Variants in ADAM19 observed in about 807,000 individuals in gnomAD.
ADAM19 encodes the protein ADAM metallopeptidase domain 19.
In ADAM19, 65 loss-of-function variants were observed where a neutral mutation model predicts 114.7. The observed-to-expected ratio is 0.57, with a 90% CI of 0.46 to 0.70. The LOEUF is 0.70. Ranked by LOEUF, ADAM19 falls within the 30% of genes least tolerant of loss-of-function variation. ADAM19 has a pLI of 0.00. For synonymous variants in ADAM19, 466 were observed against 460.5 expected (o/e 1.01, Z -0.15); for missense variants, 1,063 against 1,204.7 (o/e 0.88, Z 1.74).
intron 3 of ADAM19, among the ~76,000 whole-genome samples, chr5:157,551,764 G>C (rs1218033508): frequency 6.6e-6 from 1 of 151,546 alleles, no homozygotes; most frequent in African/African-American, 2.4e-5. Flanking sequence ...TTGGGCAAAA[G>C]CTTTGAATAG....
intron 4 of ADAM19, among the ~76,000 whole-genome samples, chr5:157,535,164 T>C (rs1008842046): frequency 1.3e-5 from 2 of 152,182 alleles, no homozygotes; most frequent in Non-Finnish European, 2.9e-5. Flanking sequence ...AACTCAACAC[T>C]AGTGTGGTCA....
At chr5:157,490,269 C>T (rs1364008009) in intron 19 of ADAM19, 41 bp downstream of exon 19, 16 of 1,609,808 alleles carry the variant, frequency 9.9e-6, no homozygotes, top group African/African-American at 1.3e-5. Flanking sequence ...CCTTTGTGAC[C>T]CATAAATTGA....
chr5:157,520,078 A>G (rs956094697), intron 5 of ADAM19, 47 bp from the exon 6 acceptor site: 1 of 1,562,824 alleles, frequency 6.4e-7, no homozygotes, highest in African/African-American at 1.4e-5. Context: ...TATGGTTCTG[A>G]AAAAGTCCCT....
intron 20 of ADAM19, 24 bp downstream of exon 20, chr5:157,489,078 A>G (rs771895931): frequency 2.5e-6 from 4 of 1,603,848 alleles, no homozygotes; most frequent in Non-Finnish European, 3.4e-6. Flanking sequence ...AAAGTAGCAA[A>G]GTTCAGTGGT....
At chr5:157,512,168 G>A (rs1755941845) in intron 8 of ADAM19, among the ~76,000 whole-genome samples, 1 of 152,190 alleles carries the variant, frequency 6.6e-6, no homozygotes, top group South Asian at 2.1e-4. Flanking sequence ...TGTGTCCCTA[G>A]AGTCTGTCCT....
Position 157,497,080 on chromosome 5 carries a change from G to A in ADAM19, c.1408C>T (p.Pro470Ser), listed in dbSNP as rs1450159378. The A allele has an allele frequency of 1.3e-6, 2 of 1,523,176 alleles. No individual in the cohort carries two copies. Among genetic ancestry groups the A allele is most frequent in the South Asian group, 2.6e-5 (2 of 77,580 alleles). The allele number at this position is 1,523,176 out of a possible 1,614,324, so 94.4% of individuals were successfully genotyped here. ...GCCTGCTCGCGGCACAGGGTCCCAG[G>A]AGCCAACAGCTGAGCCAAGGAATGA... ...SCCHQCKLLA[P>S]GTLCREQARQ... Residue 470 changes from proline to serine, a missense_variant, in exon 14 of 23, where the codon CCT (proline) becomes TCT (serine). By Grantham distance (74) the Pro-to-Ser change is moderately conservative (BLOSUM62 -1). Coordinates refer to ENST00000257527, the MANE Select transcript of ADAM19 (RefSeq NM_033274.5).
chr5:157,509,168 G>T, intron 9 of ADAM19, 133 bp downstream of exon 9: 1 of 878,694 alleles, frequency 1.1e-6, no homozygotes. Flanking sequence ...GGAAATGCCT[G>T]ATTCTCTGGA....
At chr5:157,499,773 C>CACTTT in intron 12 of ADAM19, 111 bp from the exon 13 acceptor site, 1 of 419,702 alleles carries the variant, frequency 2.4e-6, no homozygotes, top group Middle Eastern at 6.9e-4. Flanking sequence ...GCAACTATCT[C>CACTTT]TTTTTTTTTT....
intron 2 of ADAM19, among the ~76,000 whole-genome samples, chr5:157,565,695 C>T (rs1223049491): frequency 1.4e-5 from 2 of 145,424 alleles, no homozygotes; most frequent in Non-Finnish European, 3.0e-5. Flanking sequence ...GGTGACAGAG[C>T]GAGACACTCT....
chr5:157,481,781 G>A lies in ADAM19; in HGVS notation c.2703+10C>T, dbSNP rs766815187. 22 of 1,565,890 alleles carry A rather than the reference G, an allele frequency of 1.4e-5. No homozygotes were observed. In the Middle Eastern group the frequency reaches 8.3e-4, roughly 59 times the overall value. ...CCAGCTTTCACCTTGAGGGCTTCCC[G>A]TGGACTCACCTTTGGGGCAAGTGCT... On this transcript the variant is annotated intron_variant, in intron 22 of 22. Coordinates refer to ENST00000257527, the MANE Select transcript of ADAM19 (RefSeq NM_033274.5).
intron 11 of ADAM19, among the ~76,000 whole-genome samples, chr5:157,504,848 G>GCA (rs1755690344): frequency 3.3e-5 from 5 of 152,042 alleles, no homozygotes; most frequent in South Asian, 4.2e-4. Context: ...TGTCCAGCGC[G>GCA]GTGGCTCACA....
At chr5:157,503,316 G>A (rs1755628028) in intron 11 of ADAM19, among the ~76,000 whole-genome samples, 1 of 152,102 alleles carries the variant, frequency 6.6e-6, no homozygotes. Context: ...CACAGGAAGG[G>A]GAACATAACA....
chr5:157,561,287 T>C (rs1757501741), intron 3 of ADAM19, among the ~76,000 whole-genome samples: 1 of 152,226 alleles, frequency 6.6e-6, no homozygotes, highest in Admixed American at 6.5e-5. Flanking sequence ...CCTCCTCTCC[T>C]GGCCCATGCC....
At chr5:157,526,805 G>A (rs1185285982) in intron 5 of ADAM19, among the ~76,000 whole-genome samples, 5 of 152,122 alleles carry the variant, frequency 3.3e-5, no homozygotes, top group Admixed American at 2.6e-4. Context: ...ATTTTTAGTG[G>A]AAATGGAGTT....
intron 5 of ADAM19, among the ~76,000 whole-genome samples, chr5:157,526,852 C>T (rs1428669469): frequency 6.6e-6 from 1 of 152,034 alleles, no homozygotes; most frequent in Non-Finnish European, 1.5e-5. Flanking sequence ...AACTCCTGAC[C>T]TCAAGTGATC....
At chr5:157,505,175 C>T (rs988440689) in intron 11 of ADAM19, among the ~76,000 whole-genome samples, 46 of 151,770 alleles carry the variant, frequency 3.0e-4, no homozygotes, top group African/African-American at 1.0e-3. Context: ...AGCTGCCTCA[C>T]CCTGTTCCTC....
At chr5:157,540,186 C>T (rs755170561) in intron 3 of ADAM19, among the ~76,000 whole-genome samples, 2 of 152,186 alleles carry the variant, frequency 1.3e-5, no homozygotes, top group Non-Finnish European at 2.9e-5. Context: ...TTGCTTTCAA[C>T]AGGGATTATG....
At chr5:157,502,165 T>C (rs1190073682) in intron 12 of ADAM19, among the ~76,000 whole-genome samples, 6 of 152,214 alleles carry the variant, frequency 3.9e-5, no homozygotes, top group African/African-American at 1.4e-4. Context: ...TAAACATACA[T>C]ATTTTCAGCC....
rs1755230599 is a variant in ADAM19, at chr5:157,493,101, T to C, written c.1780A>G (p.Thr594Ala). The change falls in exon 16 of 23, where the codon ACC (threonine) becomes GCC (alanine). Residue 594 changes from threonine (T) to alanine (A), a missense_variant. Coordinates refer to ENST00000257527, the MANE Select transcript of ADAM19 (RefSeq NM_033274.5). Reference protein sequence around the residue: ...PLESNAVPIDTTIIMNGRQIQ... With the variant: ...PLESNAVPIDATIIMNGRQIQ... ...TGCCTCCCATTCATGATGATAGTGG[T>C]GTCAATGGGCACCGCGTTGGACTCC... 6.2e-7 allele frequency: 1 copy of C among 1,614,152 alleles called. No homozygotes were observed. Among genetic ancestry groups the C allele is most frequent in the Non-Finnish European group, 8.5e-7 (1 of 1,180,028 alleles).
Sources: gnomAD v4.1 joint callset for allele counts (sites outside exome capture counted in the v4.1 genomes callset) on GRCh38, gnomAD v4.1.1 for gene constraint, MANE v1.5 for transcripts, NCBI Gene and HGNC (gene_info 2026-07-23, HGNC 2026-07-21) for gene names.